The following MAST2 variants were observed in gnomAD, a reference collection of about 807,000 sequenced individuals.
MAST2 encodes microtubule-associated serine/threonine-protein kinase 2.
MAST2 carries 70 observed loss-of-function variants against 147.4 expected under a neutral mutation model. The ratio of observed to expected loss-of-function variants is 0.47; its 90% CI spans 0.39 to 0.58. MAST2 has a LOEUF of 0.58. Among genes scored for constraint, MAST2 ranks in the 20% least tolerant of loss-of-function variants. The pLI is 0.00. For synonymous variants in MAST2, 869 were observed against 896.8 expected, an observed-to-expected ratio of 0.97 and a Z score of 0.55; for missense variants, 2,080 against 2,302.3, an observed-to-expected ratio of 0.90 and a Z score of 1.98.
chr1:45,991,131 A>T (rs1054955231), intron 5 of MAST2, among the ~76,000 whole-genome samples: 1 of 152,176 alleles, frequency 6.6e-6, no homozygotes, highest in Non-Finnish European at 1.5e-5. Context: ...TTCCAGCACC[A>T]TTCGTCAATG....
chr1:45,824,786 G>A (rs1644740005), intron 2 of MAST2, among the ~76,000 whole-genome samples: 1 of 152,132 alleles, frequency 6.6e-6, no homozygotes, highest in Non-Finnish European at 1.5e-5. Flanking sequence ...ATATTTCTTG[G>A]TTGATCACCA....
Position 45,805,081 on chromosome 1 carries a change from G to A in MAST2, c.177+1009G>A, listed in dbSNP as rs144929637. ...TTTTTTTTTTTTGAGACGAAGTCTCGCTCTGTCGCCCAGGGGAGAGTGCAG... is the reference window on the plus strand; with the variant it reads ...TTTTTTTTTTTTGAGACGAAGTCTCACTCTGTCGCCCAGGGGAGAGTGCAG... On this transcript the variant is annotated intron_variant, in intron 1 of 28. Transcript: ENST00000361297. Among the ~76,000 whole-genome samples, 8 of 135,096 alleles carry A rather than the reference G, an allele frequency of 5.9e-5. No individual in the cohort carries two copies. The East Asian group carries it at 1.7e-3, about 28-fold the overall frequency. 88.6% of individuals were successfully genotyped at this position (135,096 alleles called of 152,430 possible). A position where few individuals can be genotyped will look rare whatever the true frequency, so the allele number is the denominator to read the frequency against.
chr1:45,933,167 G>A (rs71653987), intron 4 of MAST2, among the ~76,000 whole-genome samples: 13,140 of 132,364 alleles, frequency 0.099, 806 homozygotes, highest in Middle Eastern at 0.16. Flanking sequence ...AGGTTGCAGT[G>A]AGTTATGATC....
At chr1:45,804,453 G>T (rs2148614680) in intron 1 of MAST2, among the ~76,000 whole-genome samples, 1 of 152,266 alleles carries the variant, frequency 6.6e-6, no homozygotes, top group African/African-American at 2.4e-5. Context: ...GTGTTATCCT[G>T]TTTTCTAGAG....
At chr1:45,850,083 C>A (rs182762996) in intron 3 of MAST2, among the ~76,000 whole-genome samples, 185 of 152,254 alleles carry the variant, frequency 1.2e-3, no homozygotes, top group African/African-American at 4.3e-3. Context: ...TATACGTGTT[C>A]CCTTTTATCT....
intron 5 of MAST2, among the ~76,000 whole-genome samples, chr1:45,995,195 C>T (rs1238791503): frequency 1.3e-5 from 2 of 152,128 alleles, no homozygotes; most frequent in African/African-American, 4.8e-5. Flanking sequence ...TTGTTTCCAA[C>T]GAGAAATCTG....
intron 4 of MAST2, among the ~76,000 whole-genome samples, chr1:45,891,210 C>T (rs778745480): frequency 6.6e-6 from 1 of 152,120 alleles, no homozygotes; most frequent in Non-Finnish European, 1.5e-5. Context: ...TTATTTTGTG[C>T]ACTGGATGTA....
intron 3 of MAST2, among the ~76,000 whole-genome samples, chr1:45,850,303 CTTGT>C (rs543935363): frequency 2.0e-3 from 301 of 152,118 alleles, no homozygotes; most frequent in Non-Finnish European, 3.0e-3. Context: ...TTGTTTTTTG[CTTGT>C]TTAATTGTTT....
At chr1:45,930,532 CAGG>C (rs756205552) in intron 4 of MAST2, among the ~76,000 whole-genome samples, 42 of 152,070 alleles carry the variant, frequency 2.8e-4, no homozygotes, top group Non-Finnish European at 5.0e-4. Context: ...GCCCTCTGAG[CAGG>C]AGAAGATGCC....
intron 4 of MAST2, among the ~76,000 whole-genome samples, chr1:45,923,325 G>A (rs1284021360): frequency 2.0e-5 from 3 of 152,190 alleles, no homozygotes; most frequent in Admixed American, 1.3e-4. Flanking sequence ...CACTGCAGCC[G>A]GCGTCATGGC....
At chr1:45,944,252 T>G (rs566184422) in intron 4 of MAST2, among the ~76,000 whole-genome samples, 2 of 152,334 alleles carry the variant, frequency 1.3e-5, no homozygotes, top group South Asian at 4.1e-4. Flanking sequence ...CATTTTAAAT[T>G]TAATTTTTAT....
At chr1:45,980,136 T>C (rs1644341232) in intron 5 of MAST2, among the ~76,000 whole-genome samples, 1 of 151,862 alleles carries the variant, frequency 6.6e-6, no homozygotes, top group African/African-American at 2.4e-5. Flanking sequence ...AATACAAAAA[T>C]TAGCCTGGTG....
Position 46,034,203 on chromosome 1 carries a change from C to T in MAST2, c.3805C>T (p.His1269Tyr). 1 of 1,614,130 alleles carries T rather than the reference C, an allele frequency of 6.2e-7. No individual in the cohort carries two copies. The highest frequency in any genetic ancestry group is 8.5e-7 in the Non-Finnish European group (1 of 1,180,002). ...ESGPGSPTHS[H>Y]SLSPRSPTQG... ...TGGGCCAGGCTCTCCCACACACAGC[C>T]ACAGCCTTTCCCCCCGATCTCCCAC... Residue 1269 changes from histidine (H) to tyrosine (Y), a missense_variant, in exon 28 of 29, where the codon CAC becomes TAC. By Grantham distance (83) the His-to-Tyr change is moderately conservative (BLOSUM62 2). Around this residue, in one of 4 missense-constraint regions of MAST2, gnomAD observed 1,278 missense variants for 1,304.2 expected, o/e 0.98. Transcript: ENST00000361297.
rs577501823 is a variant in MAST2, at chr1:45,889,148, C to A, written c.500+6753C>A. On this transcript the variant is annotated intron_variant, in intron 4 of 28. Coordinates refer to ENST00000361297, the MANE Select transcript of MAST2 (RefSeq NM_015112.3). ...TAGCCAGGAAAAGCTTTTTAAAATG[C>A]GGATTTCATTATTAGATATTAATTT... is the stretch of plus-strand genomic sequence containing the variant. Among the ~76,000 whole-genome samples the A allele has an allele frequency of 3.3e-5, 5 of 152,174 alleles. No homozygotes were observed. The South Asian group carries it at 1.0e-3, about 32-fold the overall frequency.
At position 46,035,714 on chromosome 1, in the gene MAST2, A is replaced by G. The variant is rs201200580; in HGVS notation, c.5045A>G (p.Asn1682Ser). ...GCAACCATGGCAGGTGGGCTAGCCA[A>G]CCTCCAGGATTTGGAAAACACAACT... is the stretch of plus-strand genomic sequence containing the variant. ...RKATMAGGLA[N>S]LQDLENTTPA... Residue 1682 changes from asparagine (N) to serine (S), a missense_variant, in exon 29 of 29, where the codon AAC (asparagine) becomes AGC (serine). Physicochemically the swap from Asn to Ser is conservative, Grantham distance 46. Around this residue, in one of 4 missense-constraint regions of MAST2, gnomAD observed 1,278 missense variants for 1,304.2 expected, o/e 0.98. Coordinates refer to ENST00000361297, the MANE Select transcript of MAST2 (RefSeq NM_015112.3). The surrounding 1 kb of genome is among the most constrained non-coding windows in gnomAD (Gnocchi z 5.5). 9.9e-5 allele frequency: 159 copies of G among 1,613,846 alleles called. 1 individual carries two copies. The East Asian group carries it at 3.5e-3, about 35-fold the overall frequency.
intron 4 of MAST2, among the ~76,000 whole-genome samples, chr1:45,906,407 C>A (rs1339549855): frequency 6.6e-6 from 1 of 151,474 alleles, no homozygotes; most frequent in Admixed American, 6.6e-5. Context: ...TAAAAAACAG[C>A]CTATAGCCTG....
At chr1:45,940,689 G>A (rs528665359) in intron 4 of MAST2, among the ~76,000 whole-genome samples, 23 of 149,926 alleles carry the variant, frequency 1.5e-4, no homozygotes, top group Admixed American at 1.3e-3. Flanking sequence ...GCGCGATCTC[G>A]GCTCACTGCA....
chr1:45,892,757 T>A (rs1322531583), intron 4 of MAST2, among the ~76,000 whole-genome samples: 1 of 152,208 alleles, frequency 6.6e-6, no homozygotes, highest in Non-Finnish European at 1.5e-5. Flanking sequence ...AGAATCTCTC[T>A]GCATGTGACA....
intron 21 of MAST2, 39 bp downstream of exon 21, chr1:46,030,277 G>A (rs1646593460): frequency 2.6e-5 from 42 of 1,592,914 alleles, no homozygotes; most frequent in Non-Finnish European, 3.6e-5. Flanking sequence ...GAACAGGCTG[G>A]AGGATCAGAA....
Sources: gnomAD v4.1 joint callset for allele counts (sites outside exome capture counted in the v4.1 genomes callset) on GRCh38, gnomAD v4.1.1 for gene constraint, gnomAD v4.1.1 regional missense constraint, Gnocchi (gnomAD v3.1) non-coding constraint, MANE v1.5 for transcripts, NCBI Gene and HGNC (gene_info 2026-07-23, HGNC 2026-07-21) for gene names.